SPATA7: variants seen among roughly 807,000 people sequenced by gnomAD.
The protein encoded by SPATA7 is spermatogenesis-associated protein 7.
A neutral mutation model predicts 51.8 loss-of-function variants in SPATA7; 43 were observed. The ratio of observed to expected loss-of-function variants is 0.83; its 90% CI spans 0.65 to 1.07. SPATA7 has a LOEUF of 1.07. Among genes scored for constraint, SPATA7 ranks in the 50% least tolerant of loss-of-function variants. SPATA7 has a pLI of 0.00. For missense variants in SPATA7, 683 were observed against 701.3 expected, an observed-to-expected ratio of 0.97 and a Z score of 0.30; for synonymous variants, 230 against 252.8, an observed-to-expected ratio of 0.91 and a Z score of 0.86.
At chr14:88,402,120 T>A (rs2076078417) in intron 4 of SPATA7, among the ~76,000 whole-genome samples, 1 of 152,082 alleles carries the variant, frequency 6.6e-6, no homozygotes, top group African/African-American at 2.4e-5. Flanking sequence ...CACTGAAAAC[T>A]ATAAAACATC....
chr14:88,470,325 T>C, exon 5 of SPATA7: 1 of 421,428 alleles, frequency 2.4e-6, no homozygotes, highest in South Asian at 2.7e-5. Flanking sequence ...TTCTCATTTA[T>C]ACAATAAAGA....
At chr14:88,470,163 A>G (rs977878189) in exon 5 of SPATA7, 3 of 967,576 alleles carry the variant, frequency 3.1e-6, no homozygotes. Flanking sequence ...AAAAAGTAAA[A>G]AAGTAGTAAA....
chr14:88,412,987 G>T (rs1240247966), intron 4 of SPATA7, among the ~76,000 whole-genome samples: 1 of 152,128 alleles, frequency 6.6e-6, no homozygotes, highest in Non-Finnish European at 1.5e-5. Context: ...GTAGTTTGAA[G>T]TCGGGTAATG....
intron 1 of SPATA7, among the ~76,000 whole-genome samples, chr14:88,391,103 T>C (rs887569949): frequency 2.6e-5 from 4 of 152,196 alleles, no homozygotes; most frequent in Non-Finnish European, 4.4e-5. Flanking sequence ...CTCCTTGTTA[T>C]AGCTTTTAAC....
In SPATA7 at chr14:88,429,457, C is replaced by T; in HGVS notation, c.1022C>T (p.Ser341Leu). The stretch of plus-strand genomic sequence containing the variant: ...AAGGATGATGCTCTTCAGCATTCCT[C>T]ACCAAGGTAAACAGTTCACAGGAGA... The part of the protein sequence containing the change: ...EIKDDALQHS[S>L]PRAMCQYSLK... Residue 341 changes from serine to leucine, a missense_variant, in exon 8 of 12, where the codon TCA (serine) becomes TTA (leucine). Coordinates refer to ENST00000393545, the MANE Select transcript of SPATA7 (RefSeq NM_018418.5). 6.3e-7 allele frequency: 1 copy of T among 1,598,292 alleles called. No homozygotes were observed. Among genetic ancestry groups the T allele is most frequent in the Middle Eastern group, 1.7e-4 (1 of 6,024 alleles).
chr14:88,398,896 C>CA (rs1329349797), intron 4 of SPATA7, among the ~76,000 whole-genome samples: 1 of 151,386 alleles, frequency 6.6e-6, no homozygotes, highest in African/African-American at 2.4e-5. Context: ...ACTAAAAGTA[C>CA]AAAAAATTAG....
chr14:88,429,304 G>A lies in SPATA7; in HGVS notation c.913-44G>A, dbSNP rs1480390298. On this transcript the variant is annotated intron_variant, in intron 7 of 11. Transcript: ENST00000393545. ...CTGTGTTATATTCTGCTTTCGTAAT[G>A]TATTTTTAAGCAAAAATAAATATTT... The A allele has an allele frequency of 3.5e-6, 4 of 1,143,858 alleles. No individual in the cohort carries two copies. In the Admixed American group the frequency reaches 6.8e-5, roughly 20 times the overall value. 70.9% of individuals were successfully genotyped at this position (1,143,858 alleles called of 1,614,324 possible).
intron 6 of SPATA7, 37 bp downstream of exon 6, chr14:88,426,741 G>A: frequency 6.5e-7 from 1 of 1,531,160 alleles, no homozygotes; most frequent in Non-Finnish European, 9.0e-7. Context: ...AATCCTTCAG[G>A]AAATTAAATG....
In SPATA7 at chr14:88,399,764, A is replaced by G. The variant is rs537283257; in HGVS notation, c.238+3561A>G. Reference sequence around the variant, plus strand: ...CAATGACAGCCATTATATAATTTTTAAAGGGTCAACTTAACAGGAAGATGT... The same window carrying G: ...CAATGACAGCCATTATATAATTTTTGAAGGGTCAACTTAACAGGAAGATGT... On this transcript the variant is annotated intron_variant, in intron 4 of 11. Coordinates refer to ENST00000393545, the MANE Select transcript of SPATA7 (RefSeq NM_018418.5). 2.1e-3 allele frequency among the ~76,000 whole-genome samples: 315 copies of G among 152,342 alleles called. 1 individual carries two copies. The highest frequency in any genetic ancestry group is 3.3e-3 in the Non-Finnish European group (226 of 68,034).
At chr14:88,421,123 AT>A (rs763080991) in intron 5 of SPATA7, among the ~76,000 whole-genome samples, 8 of 152,130 alleles carry the variant, frequency 5.3e-5, no homozygotes, top group Non-Finnish European at 1.0e-4. Flanking sequence ...AAAAAAAAAA[AT>A]AATTAATTAA....
At chr14:88,402,233 A>G (rs567189734) in intron 4 of SPATA7, among the ~76,000 whole-genome samples, 22 of 152,368 alleles carry the variant, frequency 1.4e-4, no homozygotes, top group Middle Eastern at 3.4e-3. Flanking sequence ...AAAGTAGTCT[A>G]TAAATTCACT....
At chr14:88,444,072 A>G (rs1268009201) in intron 3 of SPATA7, among the ~76,000 whole-genome samples, 6 of 152,074 alleles carry the variant, frequency 3.9e-5, no homozygotes, top group Non-Finnish European at 7.4e-5. Context: ...GACTTTCACA[A>G]TGGTTGAACT....
At chr14:88,418,342 G>GC (rs146228187) in intron 5 of SPATA7, among the ~76,000 whole-genome samples, 5,354 of 152,054 alleles carry the variant, frequency 0.035, 304 homozygotes, top group African/African-American at 0.12. Flanking sequence ...TTACTTCTTT[G>GC]CTAGTGTAAG....
intron 3 of SPATA7, among the ~76,000 whole-genome samples, chr14:88,450,036 C>T (rs2077240642): frequency 6.6e-6 from 1 of 151,914 alleles, no homozygotes; most frequent in Non-Finnish European, 1.5e-5. Context: ...CTGTTTCTTC[C>T]TGGGTTAATG....
intron 10 of SPATA7, among the ~76,000 whole-genome samples, chr14:88,433,693 CTG>C (rs1038982385): frequency 8.5e-5 from 13 of 152,148 alleles, no homozygotes; most frequent in Non-Finnish European, 1.6e-4. Context: ...CTTAAGGAAA[CTG>C]TGTGTCCTGA....
At chr14:88,442,650 T>C (rs2077185537), downstream of SPATA7, among the ~76,000 whole-genome samples, 2 of 152,198 alleles carry the variant, frequency 1.3e-5, no homozygotes, top group African/African-American at 2.4e-5. Flanking sequence ...CACTTGATCG[T>C]GATGGATTAT....
downstream of SPATA7, among the ~76,000 whole-genome samples, chr14:88,458,113 G>A (rs1162930567): frequency 6.6e-6 from 1 of 152,106 alleles, no homozygotes; most frequent in Non-Finnish European, 1.5e-5. Context: ...TTGATGTGCT[G>A]CTGGATTCGG....
chr14:88,447,686 AC>A (rs1465532814), intron 3 of SPATA7, among the ~76,000 whole-genome samples: 105 of 151,966 alleles, frequency 6.9e-4, no homozygotes, highest in African/African-American at 2.5e-3. Context: ...CCTGGTGGTG[AC>A]AAAATCTCTC....
chr14:88,425,227 A>G (rs2076755805), intron 5 of SPATA7, among the ~76,000 whole-genome samples: 1 of 152,140 alleles, frequency 6.6e-6, no homozygotes, highest in Admixed American at 6.6e-5. Context: ...AGCACACCAT[A>G]CATATTAGTA....
Sources: gnomAD v4.1 joint callset for allele counts (sites outside exome capture counted in the v4.1 genomes callset) on GRCh38, gnomAD v4.1.1 for gene constraint, MANE v1.5 for transcripts, NCBI Gene and HGNC (gene_info 2026-07-23, HGNC 2026-07-21) for gene names.